LRRC45: variants seen among roughly 807,000 people sequenced by gnomAD.
LRRC45 encodes the protein leucine-rich repeat-containing protein 45.
LRRC45 carries 73 observed loss-of-function variants against 85.4 expected under a neutral mutation model. The ratio of observed to expected loss-of-function variants is 0.85; its 90% confidence interval spans 0.71 to 1.04. LRRC45 has a LOEUF of 1.04. Ranked by LOEUF, LRRC45 falls within the 50% of genes least tolerant of loss-of-function variation. The pLI is 0.00. For missense variants in LRRC45, 937 were observed against 883.3 expected (o/e 1.06, Z -0.77); for synonymous variants, 429 against 386.0 (o/e 1.11, Z -1.31).
chr17:82,026,276 TG>T (rs914490044), intron 5 of LRRC45, among the ~76,000 whole-genome samples: 7 of 152,170 alleles, frequency 4.6e-5, no homozygotes, highest in Non-Finnish European at 8.8e-5. Flanking sequence ...CCTTGACCTT[TG>T]GGATGGTGGC....
At chr17:82,030,528 G>A in intron 16 of LRRC45, 62 bp downstream of exon 16, 1 of 1,512,682 alleles carries the variant, frequency 6.6e-7, no homozygotes. Flanking sequence ...CCAGAGAGCG[G>A]GGCTGGCCAG....
chr17:82,028,224 C>G lies in LRRC45; in HGVS notation c.1048-10C>G, dbSNP rs1008833545. The G allele has an allele frequency of 1.3e-6, 2 of 1,568,496 alleles. No individual in the cohort carries two copies. The highest frequency in any genetic ancestry group is 1.7e-6 in the Non-Finnish European group (2 of 1,156,590). On this transcript the variant is annotated splice_polypyrimidine_tract_variant and intron_variant, in intron 9 of 16. Transcript: ENST00000306688. ...TGACCCTCACTACCCATACCCCGTT[C>G]CCCTCCCAGGAAGCTGCAGAGCGGG...
rs767623676 is a variant in LRRC45, at chr17:82,026,956, G to A, written c.719G>A (p.Arg240His). 1.7e-5 allele frequency: 27 copies of A among 1,607,800 alleles called. No individual in the cohort carries two copies. The highest frequency in any genetic ancestry group is 1.1e-4 in the African/African-American group (8 of 74,886). ...ACCACCTTCCAGGAGAACCAAGCCC[G>A]CACTCACGTCCTCAGCAAGGAGGTC... ...RLTTFQENQA[R>H]THVLSKEVQH... The change falls in exon 6 of 17, where the codon CGC becomes CAC. Residue 240 changes from arginine to histidine, a missense_variant. Physicochemically the swap from Arg to His is conservative, Grantham distance 29. Transcript: ENST00000306688.
In LRRC45 at chr17:82,029,164, G is replaced by T. The variant is rs376728810; in HGVS notation, c.1380G>T (p.Ala460=). 6.2e-7 allele frequency: 1 copy of T among 1,611,496 alleles called. No individual in the cohort carries two copies. The highest frequency in any genetic ancestry group is 1.1e-5 in the South Asian group (1 of 90,784). ...AMQERVQRLE[A]ARLSLEEELS... Reference sequence around the variant, plus strand: ...AGGAGCGGGTGCAGAGGCTGGAGGCGGCGCGGCTGTCCCTGGAGGAGGTGA... The same window carrying T: ...AGGAGCGGGTGCAGAGGCTGGAGGCTGCGCGGCTGTCCCTGGAGGAGGTGA... The change falls in exon 13 of 17, where the codon GCG becomes GCT. Residue 460 remains alanine, a synonymous_variant. Coordinates refer to ENST00000306688, the MANE Select transcript of LRRC45 (RefSeq NM_144999.4).
intron 2 of LRRC45, 30 bp downstream of exon 2, chr17:82,024,369 G>C: frequency 6.2e-7 from 1 of 1,611,282 alleles, no homozygotes; most frequent in Non-Finnish European, 8.5e-7. Flanking sequence ...GAGTGTCCGA[G>C]TGTGCCACCC....
In LRRC45 at chr17:82,026,787, C is replaced by T. The variant is rs2043371705; in HGVS notation, c.662-112C>T. ...TACAGATGGGGTTTCACCATGTTGG[C>T]CAGGCTGGTCTCGAACCCCTGACCT... On this transcript the variant is annotated intron_variant, in intron 5 of 16. Transcript: ENST00000306688. 11 of 735,460 alleles carry T rather than the reference C, an allele frequency of 1.5e-5. No individual in the cohort carries two copies. The South Asian group carries it at 1.6e-4, about 11-fold the overall frequency. 45.6% of individuals were successfully genotyped at this position (735,460 alleles called of 1,614,324 possible).
intron 4 of LRRC45, 80 bp downstream of exon 4, chr17:82,025,258 T>A (rs2043358623): frequency 6.5e-7 from 1 of 1,529,324 alleles, no homozygotes; most frequent in Non-Finnish European, 8.8e-7. Flanking sequence ...GCTAGGGGAC[T>A]GGCCTGTGCT....
intron 5 of LRRC45, among the ~76,000 whole-genome samples, chr17:82,025,848 G>GTCA (rs1220656825): frequency 6.8e-4 from 103 of 152,304 alleles, no homozygotes; most frequent in Non-Finnish European, 1.0e-3. Flanking sequence ...TCTTGGCCTT[G>GTCA]GCCAGGAAGG....
At chr17:82,029,383 A>G (rs1056895077) in intron 13 of LRRC45, among the ~76,000 whole-genome samples, 160 bp from the exon 14 acceptor site, 1 of 152,260 alleles carries the variant, frequency 6.6e-6, no homozygotes, top group Non-Finnish European at 1.5e-5. Context: ...CCTTGGCCTT[A>G]GGAACCTTGC....
chr17:82,025,782 C>T (rs892990899), intron 5 of LRRC45, among the ~76,000 whole-genome samples: 5 of 152,216 alleles, frequency 3.3e-5, no homozygotes, highest in African/African-American at 1.2e-4. Flanking sequence ...AAGCTGAGGC[C>T]GTGTGGCTCA....
rs1278086793 is a variant in LRRC45, at chr17:82,031,131, G to A, written c.*326G>A. 2 of 309,488 alleles carry A rather than the reference G, an allele frequency of 6.5e-6. No homozygotes were observed. Among genetic ancestry groups the A allele is most frequent in the African/African-American group, 2.1e-5 (1 of 46,588 alleles). 19.2% of individuals were successfully genotyped at this position (309,488 alleles called of 1,614,324 possible). ...GCGCGCGGCGGGGTTTGGAAATACA[G>A]CGCGTTTGCACTTTGTGATACATTC... is the stretch of plus-strand genomic sequence containing the variant. On this transcript the variant is annotated 3_prime_UTR_variant, in exon 17 of 17. Coordinates refer to ENST00000306688, the MANE Select transcript of LRRC45 (RefSeq NM_144999.4).
chr17:82,029,719 T>C, intron 14 of LRRC45, 84 bp downstream of exon 14: 2 of 1,342,132 alleles, frequency 1.5e-6, no homozygotes, highest in Non-Finnish European at 2.1e-6. Flanking sequence ...AGCTTCGGTC[T>C]GAGTGGGGAG....
rs1177062484 is a variant in LRRC45, at chr17:82,027,806, AGGT to A, written c.911+60_911+62del. 2.5e-6 allele frequency: 4 copies of A among 1,582,444 alleles called. No homozygotes were observed. The Admixed American group carries it at 5.2e-5, about 21-fold the overall frequency. On this transcript the variant is annotated intron_variant, in intron 8 of 16. Transcript: ENST00000306688. ...AGAGACGTGCCCACAGGGCAGAGAA[AGGT>A]GGTGTGAACCTGTGTGCAAGTCCTG...
In LRRC45 at chr17:82,029,565, C is replaced by G. The variant is rs373302486; in HGVS notation, c.1424C>G (p.Ala475Gly). The part of the protein sequence containing the change: ...LEEELSRVKA[A>G]ALSERGQAEE... ...CAGGAGCTGAGCCGAGTGAAAGCAGCGGCACTCAGCGAGCGTGGCCAGGCT... is the reference window on the plus strand; with the variant it reads ...CAGGAGCTGAGCCGAGTGAAAGCAGGGGCACTCAGCGAGCGTGGCCAGGCT... The change falls in exon 14 of 17, where the codon GCG becomes GGG. Residue 475 changes from alanine to glycine, a missense_variant. Coordinates refer to ENST00000306688, the MANE Select transcript of LRRC45 (RefSeq NM_144999.4). The G allele has an allele frequency of 1.9e-6, 3 of 1,576,544 alleles. No individual in the cohort carries two copies. In the African/African-American group the frequency reaches 4.1e-5, roughly 21 times the overall value.
rs913581984 is a variant in LRRC45 at position 82,028,848 on chromosome 17, G to T, written c.1308+165G>T. The T allele has an allele frequency of 3.5e-5, 29 of 832,222 alleles. No individual in the cohort carries two copies. In the Admixed American group the frequency reaches 5.7e-4, roughly 16 times the overall value. The allele number at this position is 832,222 out of a possible 1,614,324, so 51.6% of individuals were successfully genotyped here. On this transcript the variant is annotated intron_variant, in intron 12 of 16. Coordinates refer to ENST00000306688, the MANE Select transcript of LRRC45 (RefSeq NM_144999.4). ...ATGTCAGACCCAGAACCTCCTATTG[G>T]GGGCGGCGGGGGGACCCCGGCAATG... is the stretch of plus-strand genomic sequence containing the variant.
In LRRC45 at chr17:82,030,915, C is replaced by T. The variant is rs950904674; in HGVS notation, c.*110C>T. The stretch of plus-strand genomic sequence containing the variant: ...CTCTTTGAGACCCGGGTCGTCTGTT[C>T]CACGCGGCGGTTGCGGCGACTGTTG... On this transcript the variant is annotated 3_prime_UTR_variant, in exon 17 of 17. Coordinates refer to ENST00000306688, the MANE Select transcript of LRRC45 (RefSeq NM_144999.4). 3 of 860,692 alleles carry T rather than the reference C, an allele frequency of 3.5e-6. No homozygotes were observed. Among genetic ancestry groups the T allele is most frequent in the East Asian group, 3.3e-5 (1 of 30,122 alleles). The allele number at this position is 860,692 out of a possible 1,614,324, so 53.3% of individuals were successfully genotyped here.
Position 82,028,487 on chromosome 17 carries a change from A to G in LRRC45, c.1216A>G (p.Met406Val). The G allele has an allele frequency of 1.9e-6, 3 of 1,612,466 alleles. No homozygotes were observed. Among genetic ancestry groups the G allele is most frequent in the Non-Finnish European group, 2.5e-6 (3 of 1,179,860 alleles). Residue 406 changes from methionine to valine, a missense_variant, in exon 11 of 17, where the codon ATG (methionine) becomes GTG (valine). Coordinates refer to ENST00000306688, the MANE Select transcript of LRRC45 (RefSeq NM_144999.4). ...GACCAGCATGTCAGCTGAGCTGAAG[A>G]TGCGGGCCATCCAGGCCGAGGGTGG... ...EMTSMSAELK[M>V]RAIQAEERLD... is the part of the protein sequence containing the mutation.
Position 82,026,909 on chromosome 17 carries a change from G to A in LRRC45, c.672G>A (p.Met224Ile). ...CAGCTCCTTCTGCAGAGCAAGCCAT[G>A]GGCCACAGCCAGGACCGGCTCACCA... ...GDVLRAVEQA[M>I]GHSQDRLTTF... The change falls in exon 6 of 17, where the codon ATG becomes ATA. Residue 224 changes from methionine to isoleucine, a missense_variant. By Grantham distance (10) the Met-to-Ile change is conservative. Transcript: ENST00000306688. 9 of 1,604,148 alleles carry A rather than the reference G, an allele frequency of 5.6e-6. No homozygotes were observed. The highest frequency in any genetic ancestry group is 7.6e-6 in the Non-Finnish European group (9 of 1,177,782).
At position 82,025,193 on chromosome 17, in the gene LRRC45, G is replaced by A; in HGVS notation, c.532+15G>A. The A allele has an allele frequency of 6.4e-7, 1 of 1,574,514 alleles. No homozygotes were observed. The highest frequency in any genetic ancestry group is 8.6e-7 in the Non-Finnish European group (1 of 1,158,392). On this transcript the variant is annotated intron_variant, in intron 4 of 16. Coordinates refer to ENST00000306688, the MANE Select transcript of LRRC45 (RefSeq NM_144999.4). ...CCAGCAGCTGGGTGAGGCCTCCCAG[G>A]CGCCCTCAGGCTCCCTCATCCCTCT...
Sources: allele counts gnomAD v4.1 joint callset (sites outside exome capture counted in the v4.1 genomes callset), GRCh38; gene constraint gnomAD v4.1.1; transcripts MANE v1.5; gene names NCBI Gene and HGNC (gene_info 2026-07-23, HGNC 2026-07-21).